Variants in BCAS3 observed in about 807,000 individuals in gnomAD.
BCAS3 encodes BCAS4/BCAS3 fusion.
A neutral mutation model predicts 116.1 loss-of-function variants in BCAS3; 53 were observed. The observed-to-expected ratio is 0.46, with a 90% confidence interval of 0.37 to 0.57. The LOEUF is 0.57. BCAS3 is among the 20% of genes least tolerant of loss of function. The pLI, the probability that BCAS3 is intolerant of heterozygous loss-of-function variation, is 0.00. For synonymous variants in BCAS3, 391 were observed against 408.2 expected (o/e 0.96, Z 0.51); for missense variants, 917 against 1,165.4 (o/e 0.79, Z 3.10).
chr17:61,257,358 T>C (rs546109996), intron 22 of BCAS3, among the ~76,000 whole-genome samples: 1 of 148,168 alleles, frequency 6.7e-6, no homozygotes, highest in South Asian at 2.1e-4. Flanking sequence ...GAGGCGGAGG[T>C]TGCAGTGAGC....
Position 60,988,338 on chromosome 17 carries a change from C to CTTTTTTTTTTTTTTTT in BCAS3, c.1222-1626_1222-1611dup, listed in dbSNP as rs71148317. Among the ~76,000 whole-genome samples the CTTTTTTTTTTTTTTTT allele has an allele frequency of 5.2e-3, 349 of 66,632 alleles. 1 individual carries two copies. Among genetic ancestry groups the CTTTTTTTTTTTTTTTT allele is most frequent in the Middle Eastern group, 0.014 (1 of 70 alleles). The allele number at this position is 66,632 out of a possible 152,430, so 43.7% of individuals were successfully genotyped here. ...TTTTCTTTCCTTTTCTTTTCTTTTT[C>CTTTTTTTTTTTTTTTT]TTTTTTTTTTTTTTTTTTTTTTATG... On this transcript the variant is annotated intron_variant, in intron 14 of 23. Transcript: ENST00000407086.
chr17:60,763,662 T>G (rs927906106), intron 6 of BCAS3, among the ~76,000 whole-genome samples: 5 of 152,178 alleles, frequency 3.3e-5, no homozygotes, highest in Non-Finnish European at 4.4e-5. Context: ...ATTCTCTTTT[T>G]TTGTTGTGTC....
intron 5 of BCAS3, among the ~76,000 whole-genome samples, chr17:60,718,508 C>T (rs545449930): frequency 4.5e-4 from 68 of 152,254 alleles, no homozygotes; most frequent in Admixed American, 2.6e-3. Flanking sequence ...TATCTTTGCT[C>T]ACTGCAGCCT....
At chr17:61,046,080 ATTTAT>A (rs2068286710) in intron 19 of BCAS3, among the ~76,000 whole-genome samples, 2 of 34,302 alleles carry the variant, frequency 5.8e-5, no homozygotes, top group African/African-American at 5.5e-4. Context: ...ATATATATAT[ATTTAT>A]ATATATATAT....
chr17:60,963,332 C>T lies in BCAS3; in HGVS notation c.1221+15980C>T, dbSNP rs532372726. Among the ~76,000 whole-genome samples the T allele has an allele frequency of 4.0e-5, 6 of 151,708 alleles. No homozygotes were observed. The South Asian group carries it at 1.0e-3, about 26-fold the overall frequency. On this transcript the variant is annotated intron_variant, in intron 14 of 23. Transcript: ENST00000407086. Reference sequence around the variant, plus strand: ...TGTAAACTACTTTGGATAGTATTGTCGTTTTAACAGTATTCTTTGATCCAT... The same window carrying T: ...TGTAAACTACTTTGGATAGTATTGTTGTTTTAACAGTATTCTTTGATCCAT...
At position 61,007,481 on chromosome 17, in the gene BCAS3, A is replaced by G. The variant is rs568601044; in HGVS notation, c.1487-8270A>G. 2.6e-5 allele frequency among the ~76,000 whole-genome samples: 4 copies of G among 152,192 alleles called. No homozygotes were observed. Among genetic ancestry groups the G allele is most frequent in the African/African-American group, 4.8e-5 (2 of 41,562 alleles). On this transcript the variant is annotated intron_variant, in intron 15 of 23. Coordinates refer to ENST00000407086, the MANE Select transcript of BCAS3 (RefSeq NM_017679.5). This position sits in a 1 kb window ranked among gnomAD's most constrained non-coding sequence, Gnocchi z 4.3. ...TTGTAGTAGCCAACACATTCAGATA[A>G]TAATTAACAGATGATAATGGATTCA...
At chr17:60,730,308 T>C (rs1346925994) in intron 5 of BCAS3, among the ~76,000 whole-genome samples, 8 of 152,220 alleles carry the variant, frequency 5.3e-5, no homozygotes, top group Non-Finnish European at 1.2e-4. Flanking sequence ...GTGGTTTTCG[T>C]ATTGTTCTTG....
chr17:60,984,759 C>A (rs2063022434), intron 14 of BCAS3, among the ~76,000 whole-genome samples: 1 of 151,994 alleles, frequency 6.6e-6, no homozygotes, highest in Non-Finnish European at 1.5e-5. Flanking sequence ...CCTGTAATCC[C>A]AGCATTTTGG....
intron 7 of BCAS3, among the ~76,000 whole-genome samples, chr17:60,858,799 T>TATC (rs1449934109): frequency 6.6e-6 from 1 of 152,190 alleles, no homozygotes; most frequent in Non-Finnish European, 1.5e-5. Context: ...GGTGTAGTGG[T>TATC]ATCCATTAGT....
At chr17:61,009,096 A>G (rs916167189) in intron 15 of BCAS3, among the ~76,000 whole-genome samples, 3 of 152,060 alleles carry the variant, frequency 2.0e-5, no homozygotes, top group Non-Finnish European at 2.9e-5. Context: ...GAAGGTGTCT[A>G]TTGTAAACCT....
intron 19 of BCAS3, among the ~76,000 whole-genome samples, chr17:61,049,847 C>T (rs915978330): frequency 6.6e-6 from 1 of 151,024 alleles, no homozygotes; most frequent in African/African-American, 2.4e-5. Context: ...ATTCTTCTGC[C>T]TCAGCTTCTC....
chr17:61,270,891 C>A (rs1462293055), intron 22 of BCAS3, among the ~76,000 whole-genome samples: 2 of 151,882 alleles, frequency 1.3e-5, no homozygotes, highest in African/African-American at 2.4e-5. Flanking sequence ...TCCCGAGTAG[C>A]TGGGATTACA....
intron 9 of BCAS3, among the ~76,000 whole-genome samples, chr17:60,880,492 G>A (rs951630011): frequency 1.3e-5 from 2 of 152,164 alleles, no homozygotes; most frequent in African/African-American, 2.4e-5. Flanking sequence ...GTTTCACCAT[G>A]TGGGCCAGGA....
At chr17:61,101,143 C>G (rs1010664669) in intron 22 of BCAS3, among the ~76,000 whole-genome samples, 38 of 152,078 alleles carry the variant, frequency 2.5e-4, no homozygotes, top group African/African-American at 8.7e-4. Context: ...GGAATGGCAC[C>G]TCTATTTTAA....
At position 61,211,211 on chromosome 17, in the gene BCAS3, C is replaced by T. The variant is rs1258885517; in HGVS notation, c.2425+126647C>T. Among the ~76,000 whole-genome samples the T allele has an allele frequency of 6.6e-6, 1 of 152,198 alleles. No homozygotes were observed. Among genetic ancestry groups the T allele is most frequent in the Non-Finnish European group, 1.5e-5 (1 of 68,032 alleles). ...TGGAACCACCTCTGCTTCCCTTTCC[C>T]CACTCTGTAATCAGTAATCATTGTC... On this transcript the variant is annotated intron_variant, in intron 22 of 23. Coordinates refer to ENST00000407086, the MANE Select transcript of BCAS3 (RefSeq NM_017679.5). The surrounding 1 kb of genome is among the most constrained non-coding windows in gnomAD (Gnocchi z 4.4).
chr17:60,767,942 A>C (rs2044281009), intron 6 of BCAS3, among the ~76,000 whole-genome samples: 1 of 152,174 alleles, frequency 6.6e-6, no homozygotes, highest in African/African-American at 2.4e-5. Flanking sequence ...CTGGAATGAC[A>C]GGCATGTGCC....
chr17:60,947,420 TA>T (rs2060566917), intron 14 of BCAS3, 68 bp downstream of exon 14: 1 of 1,447,834 alleles, frequency 6.9e-7, no homozygotes, highest in Non-Finnish European at 9.5e-7. Context: ...GCTGGTCATT[TA>T]TATTACATTG....
chr17:61,321,110 G>A (rs1006820664), intron 22 of BCAS3, among the ~76,000 whole-genome samples: 1 of 151,892 alleles, frequency 6.6e-6, no homozygotes, highest in African/African-American at 2.4e-5. Flanking sequence ...CTTAATCTAG[G>A]GTCTTTTGGC....
intron 14 of BCAS3, among the ~76,000 whole-genome samples, chr17:60,972,804 A>G (rs1016337031): frequency 2.6e-5 from 4 of 152,156 alleles, no homozygotes; most frequent in Non-Finnish European, 4.4e-5. Context: ...GTTGAAGTAC[A>G]TGGCTGGGAA....
Sources: allele counts gnomAD v4.1 joint callset (sites outside exome capture counted in the v4.1 genomes callset), GRCh38; gene constraint gnomAD v4.1.1; non-coding constraint Gnocchi (gnomAD v3.1); transcripts MANE v1.5; gene names NCBI Gene and HGNC (gene_info 2026-07-23, HGNC 2026-07-21).